Variants in ARK2C observed in about 807,000 individuals in gnomAD.
ARK2C encodes E3 ubiquitin-protein ligase ARK2C.
chr18:46,445,801 T>C, the ARK2C span, among the ~76,000 whole-genome samples: 1 of 152,238 alleles, frequency 6.6e-6, no homozygotes, highest in Non-Finnish European at 1.5e-5. Context: ...ATTTCATATA[T>C]TCTGTTCAGC....
the ARK2C span, among the ~76,000 whole-genome samples, chr18:46,430,774 C>T: frequency 6.6e-6 from 1 of 152,244 alleles, no homozygotes; most frequent in Admixed American, 6.5e-5. Context: ...TCTCATTGAT[C>T]CTTCTTCAAG....
chr18:46,353,014 G>A, the ARK2C span, among the ~76,000 whole-genome samples: 1 of 152,170 alleles, frequency 6.6e-6, no homozygotes, highest in Non-Finnish European at 1.5e-5. Context: ...ACCCAAATAG[G>A]CAAAGACATC....
At chr18:46,461,312 C>T in the ARK2C span, 1 of 152,198 alleles carries the variant, frequency 6.6e-6, no homozygotes. Flanking sequence ...CGTGGGAAAC[C>T]ACTGTGCTGT....
the ARK2C span, among the ~76,000 whole-genome samples, chr18:46,454,211 T>A: frequency 6.7e-6 from 1 of 148,608 alleles, no homozygotes; most frequent in Admixed American, 6.7e-5. Context: ...TAAGCTAAAA[T>A]TTTTAACTAT....
the ARK2C span, among the ~76,000 whole-genome samples, chr18:46,378,280 G>T: frequency 6.6e-6 from 1 of 152,182 alleles, no homozygotes; most frequent in Non-Finnish European, 1.5e-5. Flanking sequence ...TACACACACC[G>T]TAGTTTCTCC....
At chr18:46,341,954 G>C in the ARK2C span, among the ~76,000 whole-genome samples, 1 of 152,198 alleles carries the variant, frequency 6.6e-6, no homozygotes, top group Non-Finnish European at 1.5e-5. Flanking sequence ...CAGGGGGAAC[G>C]GGAGGGAGCC....
At chr18:46,459,300 C>T in the ARK2C span, 1 of 152,248 alleles carries the variant, frequency 6.6e-6, no homozygotes, top group African/African-American at 2.4e-5. Flanking sequence ...GCCTTAGTTT[C>T]CTCAGTTACA....
At chr18:46,367,707 C>T in the ARK2C span, among the ~76,000 whole-genome samples, 2 of 152,148 alleles carry the variant, frequency 1.3e-5, no homozygotes, top group Non-Finnish European at 2.9e-5. Flanking sequence ...CTCGGTGTCC[C>T]CACCAGTAGC....
At chr18:46,441,960 C>G in the ARK2C span, among the ~76,000 whole-genome samples, 1 of 151,096 alleles carries the variant, frequency 6.6e-6, no homozygotes, top group Admixed American at 6.6e-5. Flanking sequence ...GTCAGGGGAT[C>G]GAGACCATCC....
the ARK2C span, among the ~76,000 whole-genome samples, chr18:46,410,411 G>A: frequency 1.4e-4 from 21 of 152,278 alleles, no homozygotes; most frequent in Middle Eastern, 3.4e-3. Context: ...CAGTTAAGGT[G>A]GAGGAGGAGG....
chr18:46,370,890 C>T, the ARK2C span, among the ~76,000 whole-genome samples: 5 of 152,106 alleles, frequency 3.3e-5, no homozygotes, highest in East Asian at 7.7e-4. Flanking sequence ...ATCAGGTACA[C>T]GAAAAGGAGG....
chr18:46,341,187 C>T, the ARK2C span, among the ~76,000 whole-genome samples: 1 of 109,518 alleles, frequency 9.1e-6, no homozygotes, highest in African/African-American at 3.5e-5. Context: ...GTTTTGAAGC[C>T]AGTTTCTGAA....
the ARK2C span, among the ~76,000 whole-genome samples, chr18:46,402,120 C>T: frequency 6.6e-6 from 1 of 152,168 alleles, no homozygotes; most frequent in Non-Finnish European, 1.5e-5. Context: ...ATAGCTGATG[C>T]TAAATAAACT....
the ARK2C span, chr18:46,337,693 G>A: frequency 1.2e-4 from 97 of 805,956 alleles, no homozygotes; most frequent in Middle Eastern, 1.2e-3. Context: ...ATTTATTGTC[G>A]TATCCTGCTG....
At chr18:46,337,233 A>AAAGAG in the ARK2C span, 1 of 985,284 alleles carries the variant, frequency 1.0e-6, no homozygotes, top group African/African-American at 1.7e-5. Flanking sequence ...AAAGAAAAGA[A>AAAGAG]AAGAAAAAAG....
chr18:46,334,245 G>T, the ARK2C span: 3 of 1,433,820 alleles, frequency 2.1e-6, no homozygotes, highest in Admixed American at 2.4e-5. This position sits in a 1 kb window ranked among gnomAD's most constrained non-coding sequence, Gnocchi z 4.4. Context: ...GCGCGCAGCC[G>T]CCGCCGCCGC....
At chr18:46,336,582 G>A in the ARK2C span, 12 of 985,336 alleles carry the variant, frequency 1.2e-5, no homozygotes, top group Non-Finnish European at 1.3e-5. Flanking sequence ...CAATCTTCTT[G>A]TAAAACTATT....
chr18:46,408,602 A>G, the ARK2C span, among the ~76,000 whole-genome samples: 2 of 152,240 alleles, frequency 1.3e-5, no homozygotes, highest in South Asian at 4.1e-4. Flanking sequence ...ACTGTGGGGC[A>G]TCCTAAAGGG....
the ARK2C span, among the ~76,000 whole-genome samples, chr18:46,418,821 T>A: frequency 1.3e-5 from 2 of 152,246 alleles, no homozygotes; most frequent in Admixed American, 6.5e-5. Context: ...GGGGAGAAAG[T>A]TAGTTTTTCT....
Sources: allele counts gnomAD v4.1 joint callset (sites outside exome capture counted in the v4.1 genomes callset), GRCh38; gene constraint gnomAD v4.1.1; non-coding constraint Gnocchi (gnomAD v3.1); transcripts MANE v1.5; gene names NCBI Gene and HGNC (gene_info 2026-07-23, HGNC 2026-07-21).